The following NRG3 variants were observed in gnomAD, a reference collection of about 807,000 sequenced individuals.
The protein encoded by NRG3 is neuregulin 3, also known as pro-neuregulin-3, membrane-bound isoform.
A neutral mutation model predicts 66.9 loss-of-function variants in NRG3; 31 were observed. That is an observed-to-expected ratio of 0.46 (90% CI 0.35 to 0.63). NRG3 has a LOEUF of 0.63. Ranked by LOEUF, NRG3 falls within the 20% of genes least tolerant of loss-of-function variation. NRG3 has a pLI of 0.00. For missense variants in NRG3, 910 were observed against 878.9 expected (o/e 1.04, Z -0.45); for synonymous variants, 393 against 359.4 (o/e 1.09, Z -1.06).
At chr10:81,947,471 G>A (rs939732290) in intron 1 of NRG3, among the ~76,000 whole-genome samples, 25 of 152,090 alleles carry the variant, frequency 1.6e-4, no homozygotes, top group African/African-American at 5.6e-4. Flanking sequence ...GAATTTTCAT[G>A]TATGGCTGTT....
At chr10:82,252,937 A>C (rs1473979316) in intron 1 of NRG3, among the ~76,000 whole-genome samples, 1 of 152,098 alleles carries the variant, frequency 6.6e-6, no homozygotes, top group Non-Finnish European at 1.5e-5. Flanking sequence ...ACATCGCCCA[A>C]AGCCACCTTC....
chr10:82,746,920 A>T (rs1014102209), intron 3 of NRG3, among the ~76,000 whole-genome samples: 6 of 152,086 alleles, frequency 3.9e-5, no homozygotes, highest in Non-Finnish European at 8.8e-5. Context: ...TTCTAGACAA[A>T]AAAATAAAAT....
intron 1 of NRG3, among the ~76,000 whole-genome samples, chr10:82,055,993 G>T (rs1416032064): frequency 6.6e-6 from 1 of 152,190 alleles, no homozygotes; most frequent in African/African-American, 2.4e-5. Flanking sequence ...ATAGGATAGT[G>T]AATGGAAAAC....
intron 2 of NRG3, among the ~76,000 whole-genome samples, chr10:82,436,623 C>A (rs954933056): frequency 1.3e-5 from 2 of 152,132 alleles, no homozygotes; most frequent in African/African-American, 4.8e-5. Flanking sequence ...GCAGTTTCTC[C>A]ATAATGTCAT....
intron 1 of NRG3, among the ~76,000 whole-genome samples, chr10:82,061,220 G>A (rs934691261): frequency 3.3e-5 from 5 of 151,974 alleles, no homozygotes; most frequent in East Asian, 3.9e-4. Flanking sequence ...GCGTGGTGGC[G>A]GGTGCCTGTA....
At chr10:82,375,124 A>G (rs1317033045) in intron 2 of NRG3, among the ~76,000 whole-genome samples, 2 of 152,246 alleles carry the variant, frequency 1.3e-5, no homozygotes, top group Admixed American at 6.5e-5. Context: ...AGTTGGGGGA[A>G]AAATGTTCTC....
chr10:82,398,279 A>C (rs939680772), intron 2 of NRG3, among the ~76,000 whole-genome samples: 4 of 152,166 alleles, frequency 2.6e-5, no homozygotes, highest in Non-Finnish European at 5.9e-5. Context: ...GGACAGCAAG[A>C]GAAAGAGAGA....
At chr10:82,806,284 G>T in intron 3 of NRG3, among the ~76,000 whole-genome samples, 1 of 152,174 alleles carries the variant, frequency 6.6e-6, no homozygotes. Context: ...CAATGACAAT[G>T]ACAATTGAGG....
In NRG3 at chr10:82,780,888, G is replaced by T. The variant is rs572700090; in HGVS notation, c.1027+42238G>T. Among the ~76,000 whole-genome samples, 5 of 152,218 alleles carry T rather than the reference G, an allele frequency of 3.3e-5. No individual in the cohort carries two copies. In the South Asian group the frequency reaches 1.0e-3, roughly 32 times the overall value. ...TTCCTGATTCCTGCCTCAGCATTCA[G>T]GCATCATGGGTTGCTCAGTGTCTGG... On this transcript the variant is annotated intron_variant, in intron 3 of 8. Transcript: ENST00000372141.
chr10:82,415,332 C>T (rs1440936690), intron 2 of NRG3, among the ~76,000 whole-genome samples: 1 of 152,102 alleles, frequency 6.6e-6, no homozygotes, highest in Non-Finnish European at 1.5e-5. Context: ...GTTTCAAGGG[C>T]TTTCCTGTTA....
At chr10:82,182,778 T>G (rs932991472) in intron 1 of NRG3, among the ~76,000 whole-genome samples, 3 of 151,982 alleles carry the variant, frequency 2.0e-5, no homozygotes, top group Non-Finnish European at 4.4e-5. Flanking sequence ...TCAGTTTCAA[T>G]TTTTAGTACT....
chr10:82,793,748 G>T (rs566481986), intron 3 of NRG3, among the ~76,000 whole-genome samples: 1 of 151,980 alleles, frequency 6.6e-6, no homozygotes, highest in Non-Finnish European at 1.5e-5. Flanking sequence ...TCTCTTCCTG[G>T]ATCAAAAGCA....
At chr10:82,139,909 A>G (rs1385976409) in intron 1 of NRG3, among the ~76,000 whole-genome samples, 3 of 38,018 alleles carry the variant, frequency 7.9e-5, no homozygotes, top group Non-Finnish European at 1.6e-4. Flanking sequence ...ATGAATCACC[A>G]GATTTGTTAG....
intron 2 of NRG3, among the ~76,000 whole-genome samples, chr10:82,479,363 G>C (rs188139504): frequency 1.2e-4 from 19 of 152,010 alleles, no homozygotes; most frequent in African/African-American, 4.1e-4. Flanking sequence ...AGAGAGGAAG[G>C]GGGGAAGAGA....
At chr10:82,619,435 G>A (rs2048890182) in intron 2 of NRG3, among the ~76,000 whole-genome samples, 1 of 152,074 alleles carries the variant, frequency 6.6e-6, no homozygotes, top group Admixed American at 6.5e-5. Flanking sequence ...CAAGGGATTG[G>A]TATTTCTGCA....
chr10:82,890,349 A>G (rs913100159), intron 4 of NRG3, among the ~76,000 whole-genome samples: 1 of 152,156 alleles, frequency 6.6e-6, no homozygotes, highest in Non-Finnish European at 1.5e-5. Context: ...TACTCACAGT[A>G]CTTCCGTTAT....
At chr10:82,117,437 T>G (rs1414758602) in intron 1 of NRG3, among the ~76,000 whole-genome samples, 3 of 152,180 alleles carry the variant, frequency 2.0e-5, no homozygotes, top group Admixed American at 6.6e-5. Flanking sequence ...CAGATGAGCT[T>G]CTTTTAATTT....
chr10:82,035,184 G>A (rs1178472407), intron 1 of NRG3, among the ~76,000 whole-genome samples: 1 of 151,966 alleles, frequency 6.6e-6, no homozygotes, highest in Non-Finnish European at 1.5e-5. Flanking sequence ...AGAGAGTGAG[G>A]ACTGACCTAG....
At position 82,313,159 on chromosome 10, in the gene NRG3, C is replaced by T. The variant is rs140092922; in HGVS notation, c.824-45580C>T. On this transcript the variant is annotated intron_variant, in intron 1 of 8. Coordinates refer to ENST00000372141, the MANE Select transcript of NRG3 (RefSeq NM_001010848.4). ...CGCCACTGCACTCTACCTGACAGAG[C>T]GAGACCCTGTCTCAAAAAAACAAAA... Among the ~76,000 whole-genome samples the T allele has an allele frequency of 4.4e-3, 668 of 151,920 alleles. 6 individuals are homozygous for T. The highest frequency in any genetic ancestry group is 0.015 in the African/African-American group (619 of 41,438).
Sources: allele counts gnomAD v4.1 joint callset (sites outside exome capture counted in the v4.1 genomes callset), GRCh38; gene constraint gnomAD v4.1.1; transcripts MANE v1.5; gene names NCBI Gene and HGNC (gene_info 2026-07-23, HGNC 2026-07-21).